The following FYN variants were observed in gnomAD, a reference collection of about 807,000 sequenced individuals.
FYN encodes FYN proto-oncogene, Src family tyrosine kinase.
FYN carries 10 observed loss-of-function variants against 70.2 expected under a neutral mutation model. That is an observed-to-expected ratio of 0.14 (90% CI 0.09 to 0.24). FYN has a LOEUF of 0.24. FYN is among the 10% of genes least tolerant of loss of function. FYN has a pLI of 1.00. For missense variants in FYN, 319 were observed against 673.1 expected (o/e 0.47, Z 5.82); for synonymous variants, 236 against 248.6 (o/e 0.95, Z 0.48).
At chr6:111,826,560 C>T (rs1018722303) in intron 2 of FYN, among the ~76,000 whole-genome samples, 1 of 152,072 alleles carries the variant, frequency 6.6e-6, no homozygotes, top group African/African-American at 2.4e-5. Flanking sequence ...ATTTATAGCC[C>T]CCACTCCCTT....
At chr6:111,870,650 C>T (rs1352649941) in intron 1 of FYN, among the ~76,000 whole-genome samples, 2 of 152,098 alleles carry the variant, frequency 1.3e-5, no homozygotes, top group Non-Finnish European at 2.9e-5. Context: ...ATGCCTGCTG[C>T]CAAAGTTTGA....
chr6:111,675,334 T>C (rs1798482858), intron 12 of FYN, among the ~76,000 whole-genome samples: 1 of 152,212 alleles, frequency 6.6e-6, no homozygotes, highest in Non-Finnish European at 1.5e-5. Flanking sequence ...ATGACTGTCT[T>C]ATGAGTCTCT....
chr6:111,708,385 A>C (rs1021134923), intron 5 of FYN, among the ~76,000 whole-genome samples: 1 of 152,210 alleles, frequency 6.6e-6, no homozygotes, highest in Non-Finnish European at 1.5e-5. Context: ...GCTGCAGATC[A>C]TCTGGGAAGG....
chr6:111,670,561 A>G (rs1798218790), intron 13 of FYN, among the ~76,000 whole-genome samples: 1 of 151,502 alleles, frequency 6.6e-6, no homozygotes, highest in Non-Finnish European at 1.5e-5. Context: ...TGCTTGCAAC[A>G]GTACCTGGCA....
At chr6:111,755,140 C>T (rs1371012933) in intron 3 of FYN, among the ~76,000 whole-genome samples, 3 of 152,002 alleles carry the variant, frequency 2.0e-5, no homozygotes, top group Non-Finnish European at 4.4e-5. Context: ...AGCTTTAAGG[C>T]TCCTTCAAGC....
At chr6:111,706,864 A>G (rs1800113947) in intron 6 of FYN, among the ~76,000 whole-genome samples, 1 of 152,236 alleles carries the variant, frequency 6.6e-6, no homozygotes, top group African/African-American at 2.4e-5. Context: ...TTAAATACAA[A>G]TACCTTGATT....
chr6:111,668,786 A>G (rs1214169431), intron 13 of FYN, among the ~76,000 whole-genome samples: 1 of 151,084 alleles, frequency 6.6e-6, no homozygotes, highest in Non-Finnish European at 1.5e-5. Context: ...TGCAGGAAAA[A>G]CCCCAGGGAC....
At chr6:111,684,824 T>C (rs1184803802) in intron 12 of FYN, among the ~76,000 whole-genome samples, 1 of 152,184 alleles carries the variant, frequency 6.6e-6, no homozygotes, top group Non-Finnish European at 1.5e-5. Flanking sequence ...GGACTTTCCT[T>C]GGAGTACAGA....
At chr6:111,855,047 T>C (rs1415044364) in intron 1 of FYN, among the ~76,000 whole-genome samples, 3 of 152,226 alleles carry the variant, frequency 2.0e-5, no homozygotes, top group Non-Finnish European at 4.4e-5. Context: ...CTCAGGTTTT[T>C]TTGTGCATAT....
At chr6:111,844,318 A>G (rs982871229) in intron 2 of FYN, among the ~76,000 whole-genome samples, 7 of 152,250 alleles carry the variant, frequency 4.6e-5, no homozygotes, top group African/African-American at 1.7e-4. Context: ...CACATGAAGA[A>G]CAAACACTGT....
At chr6:111,711,821 G>A (rs1014971460) in intron 5 of FYN, among the ~76,000 whole-genome samples, 1 of 152,138 alleles carries the variant, frequency 6.6e-6, no homozygotes. Context: ...TATTACCCTT[G>A]ACTTCAGGAT....
intron 2 of FYN, among the ~76,000 whole-genome samples, chr6:111,805,976 C>G (rs757289287): frequency 6.6e-6 from 1 of 152,130 alleles, no homozygotes; most frequent in Non-Finnish European, 1.5e-5. Context: ...TCTGAGCCCA[C>G]AACAGCTCTT....
chr6:111,662,199 C>T (rs1412540866), intron 13 of FYN, among the ~76,000 whole-genome samples: 4 of 152,144 alleles, frequency 2.6e-5, no homozygotes, highest in African/African-American at 9.7e-5. Context: ...AGGCAACATA[C>T]GGTATGATTT....
At chr6:111,861,525 G>A (rs1476284794) in intron 1 of FYN, among the ~76,000 whole-genome samples, 1 of 152,108 alleles carries the variant, frequency 6.6e-6, no homozygotes, top group African/African-American at 2.4e-5. Flanking sequence ...GATCACAATA[G>A]CATTTCAAAC....
At chr6:111,710,213 C>A (rs1011987865) in intron 5 of FYN, among the ~76,000 whole-genome samples, 1 of 152,098 alleles carries the variant, frequency 6.6e-6, no homozygotes, top group African/African-American at 2.4e-5. Flanking sequence ...GCAAGATAAC[C>A]TTCATCAAGT....
intron 3 of FYN, among the ~76,000 whole-genome samples, chr6:111,725,978 T>C (rs1265674296): frequency 1.3e-5 from 2 of 152,100 alleles, no homozygotes; most frequent in Admixed American, 1.3e-4. Flanking sequence ...AGATTAAAAG[T>C]GAGAGAGGCC....
intron 3 of FYN, among the ~76,000 whole-genome samples, chr6:111,767,388 A>G (rs1803266222): frequency 6.6e-6 from 1 of 152,134 alleles, no homozygotes; most frequent in Non-Finnish European, 1.5e-5. Flanking sequence ...ACTTACAAAG[A>G]TAACTTGGGC....
At chr6:111,765,034 G>A (rs1375037962) in intron 3 of FYN, among the ~76,000 whole-genome samples, 3 of 152,014 alleles carry the variant, frequency 2.0e-5, no homozygotes, top group Non-Finnish European at 4.4e-5. Context: ...GGCAGCTAGA[G>A]TAGGCAGGCC....
At chr6:111,810,571 A>AT (rs1562529649) in intron 2 of FYN, among the ~76,000 whole-genome samples, 1 of 152,194 alleles carries the variant, frequency 6.6e-6, no homozygotes, top group African/African-American at 2.4e-5. Flanking sequence ...AAAAATTTAC[A>AT]TTTATGTTCA....
Sources: gnomAD v4.1 joint callset for allele counts (sites outside exome capture counted in the v4.1 genomes callset) on GRCh38, gnomAD v4.1.1 for gene constraint, MANE v1.5 for transcripts, NCBI Gene and HGNC (gene_info 2026-07-23, HGNC 2026-07-21) for gene names.